EIF2AK4: variants seen among roughly 807,000 people sequenced by gnomAD.
EIF2AK4 encodes the protein eukaryotic translation initiation factor 2 alpha kinase 4.
EIF2AK4 carries 139 observed loss-of-function variants against 211.1 expected under a neutral mutation model. The observed-to-expected ratio is 0.66, with a 90% CI of 0.57 to 0.76. The LOEUF (loss-of-function observed/expected upper bound fraction) is 0.76. Ranked by LOEUF, EIF2AK4 falls within the 30% of genes least tolerant of loss-of-function variation. The pLI is 0.00. For synonymous variants in EIF2AK4, 710 were observed against 751.3 expected (o/e 0.94, Z 0.90); for missense variants, 1,664 against 2,043.8 (o/e 0.81, Z 3.58).
chr15:39,953,521 C>T (rs1306343575), intron 4 of EIF2AK4, among the ~76,000 whole-genome samples: 4 of 152,144 alleles, frequency 2.6e-5, no homozygotes, highest in Admixed American at 2.6e-4. Context: ...ACCGGGACCC[C>T]CATGGCAGAG....
chr15:39,949,072 C>T (rs1328091812), intron 3 of EIF2AK4, 44 bp from the exon 4 acceptor site: 1 of 1,598,766 alleles, frequency 6.3e-7, no homozygotes, highest in Non-Finnish European at 8.6e-7. Flanking sequence ...TTGGGCCTTC[C>T]CATTATTTGA....
Position 39,965,858 on chromosome 15 carries a change from T to C in EIF2AK4, c.1017+15T>C. The C allele has an allele frequency of 1.2e-6, 2 of 1,613,118 alleles. No homozygotes were observed. Among genetic ancestry groups the C allele is most frequent in the East Asian group, 2.2e-5 (1 of 44,882 alleles). On this transcript the variant is annotated intron_variant, in intron 8 of 38. Coordinates refer to ENST00000263791, the MANE Select transcript of EIF2AK4 (RefSeq NM_001013703.4). ...GCAAAAAGCAGGTAAGCATCCAAGG[T>C]GGCTGACTGAGCAAAAGGCCTAATC...
At chr15:39,958,378 G>A (rs1378177850) in intron 6 of EIF2AK4, among the ~76,000 whole-genome samples, 4 of 152,146 alleles carry the variant, frequency 2.6e-5, no homozygotes, top group African/African-American at 9.7e-5. Flanking sequence ...ACAAGATTAG[G>A]TTATCTAGTT....
At chr15:39,980,641 G>A (rs1211001094) in intron 13 of EIF2AK4, among the ~76,000 whole-genome samples, 5 of 152,178 alleles carry the variant, frequency 3.3e-5, no homozygotes, top group African/African-American at 9.7e-5. Flanking sequence ...AGTCAGTTGT[G>A]GCTGTGGGGA....
intron 9 of EIF2AK4, among the ~76,000 whole-genome samples, chr15:39,970,712 A>T (rs2034611876): frequency 6.6e-6 from 1 of 152,190 alleles, no homozygotes; most frequent in Non-Finnish European, 1.5e-5. Context: ...CTACAATGAG[A>T]CACCCTAAGT....
At position 40,001,177 on chromosome 15, in the gene EIF2AK4, C is replaced by A. The variant is rs192344001; in HGVS notation, c.3112C>A (p.Arg1038Ser). 1.1e-5 allele frequency: 17 copies of A among 1,613,852 alleles called. No homozygotes were observed. In the Admixed American group the frequency reaches 2.8e-4, roughly 27 times the overall value. Reference sequence around the variant, plus strand: ...CATGATGGCCCAGATCTTCTCGCAGCGCATCTCCCCTGCCATCGATTACAC... The same window carrying A: ...CATGATGGCCCAGATCTTCTCGCAGAGCATCTCCCCTGCCATCGATTACAC... ...RTMMAQIFSQ[R>S]ISPAIDYTYD... Residue 1038 changes from arginine (R) to serine (S), a missense_variant, in exon 21 of 39, where the codon CGC (arginine) becomes AGC (serine). Coordinates refer to ENST00000263791, the MANE Select transcript of EIF2AK4 (RefSeq NM_001013703.4).
At chr15:39,961,762 AT>A (rs2034475871) in intron 6 of EIF2AK4, 21 bp from the exon 7 acceptor site, 1 of 1,553,160 alleles carries the variant, frequency 6.4e-7, no homozygotes, top group South Asian at 1.1e-5. Flanking sequence ...GTTCAAATGT[AT>A]TGTTCAAATT....
In EIF2AK4 at chr15:40,035,305, A is replaced by G. The variant is rs1438457216; in HGVS notation, c.*221A>G. 9.7e-6 allele frequency: 3 copies of G among 307,966 alleles called. No homozygotes were observed. The highest frequency in any genetic ancestry group is 1.0e-4 in the South Asian group (1 of 9,634). 19.1% of individuals were successfully genotyped at this position (307,966 alleles called of 1,614,324 possible). A position where few individuals can be genotyped will look rare whatever the true frequency, so the allele number is the denominator to read the frequency against. ...AGCAACAAAGCAAGACCCCATCTCT[A>G]TAAAAACTAAAAAAATTAGTTGGGC... On this transcript the variant is annotated 3_prime_UTR_variant, in exon 39 of 39. Coordinates refer to ENST00000263791, the MANE Select transcript of EIF2AK4 (RefSeq NM_001013703.4).
intron 33 of EIF2AK4, 57 bp from the exon 34 acceptor site, chr15:40,029,349 T>C: frequency 1.0e-5 from 16 of 1,602,150 alleles, no homozygotes; most frequent in Non-Finnish European, 1.3e-5. Context: ...CTGTAAGTTA[T>C]GTGTTGCTTG....
chr15:39,976,318 G>A (rs146826848), intron 11 of EIF2AK4, 96 bp from the exon 12 acceptor site: 1 of 1,354,326 alleles, frequency 7.4e-7, no homozygotes, highest in East Asian at 2.5e-5. Context: ...GACTCATTTA[G>A]AACTTCACGC....
At chr15:39,946,348 T>C (rs1444438139) in intron 3 of EIF2AK4, among the ~76,000 whole-genome samples, 1 of 152,214 alleles carries the variant, frequency 6.6e-6, no homozygotes, top group African/African-American at 2.4e-5. Context: ...AAGACTTCAC[T>C]GGAAGAAGTA....
Position 39,997,084 on chromosome 15 carries a change from A to G in EIF2AK4, c.2868+19A>G. On this transcript the variant is annotated intron_variant, in intron 19 of 38. Coordinates refer to ENST00000263791, the MANE Select transcript of EIF2AK4 (RefSeq NM_001013703.4). ...CAGAGATGTATGTATCAGGTGTTTT[A>G]GTGCCTACATTTTCAGTAACCGGAA... 6.5e-7 allele frequency: 1 copy of G among 1,531,974 alleles called. No individual in the cohort carries two copies. The highest frequency in any genetic ancestry group is 9.0e-7 in the Non-Finnish European group (1 of 1,105,914). The allele number at this position is 1,531,974 out of a possible 1,614,324, so 94.9% of individuals were successfully genotyped here.
chr15:40,016,671 A>G lies in EIF2AK4; in HGVS notation c.3929A>G (p.Gln1310Arg). 1.2e-6 allele frequency: 2 copies of G among 1,613,948 alleles called. No individual in the cohort carries two copies. The highest frequency in any genetic ancestry group is 1.7e-6 in the Non-Finnish European group (2 of 1,179,940). The change falls in exon 28 of 39, where the codon CAG becomes CGG. Residue 1310 changes from glutamine to arginine, a missense_variant and splice_region_variant. By Grantham distance (43) the Gln-to-Arg change is conservative. Around this residue, in one of 7 missense-constraint regions of EIF2AK4, gnomAD observed 622 missense variants for 796.8 expected, o/e 0.78. Coordinates refer to ENST00000263791, the MANE Select transcript of EIF2AK4 (RefSeq NM_001013703.4). ...TTGAAGAAACTCGGCATCAAGTTAC[A>G]GGTTTGGCAACAGTTTGATACTGGC... ...GLLKKLGIKL[Q>R]VLINLGLVYK...
At chr15:40,019,047 GTTTC>G (rs765138379) in intron 29 of EIF2AK4, 42 bp from the exon 30 acceptor site, 4 of 1,411,448 alleles carry the variant, frequency 2.8e-6, no homozygotes, top group Non-Finnish European at 2.9e-6. Context: ...CGTAATCACA[GTTTC>G]TTTCCTATTT....
At chr15:39,939,403 A>G in intron 1 of EIF2AK4, 102 bp from the exon 2 acceptor site, 2 of 605,508 alleles carry the variant, frequency 3.3e-6, no homozygotes, top group Non-Finnish European at 5.2e-6. Flanking sequence ...AATTACAAAT[A>G]TTTTTAAAGT....
In EIF2AK4 at chr15:40,035,148, T is replaced by C; in HGVS notation, c.*64T>C. The C allele has an allele frequency of 5.8e-6, 7 of 1,202,732 alleles. No individual in the cohort carries two copies. The highest frequency in any genetic ancestry group is 8.0e-6 in the Non-Finnish European group (7 of 875,618). 74.5% of individuals were successfully genotyped at this position (1,202,732 alleles called of 1,614,324 possible). ...AGGCTTATACTGGAATAATGGAATG[T>C]TGTACATTCATCATAATTTAAAATT... On this transcript the variant is annotated 3_prime_UTR_variant, in exon 39 of 39. Coordinates refer to ENST00000263791, the MANE Select transcript of EIF2AK4 (RefSeq NM_001013703.4).
At chr15:39,938,639 A>C (rs1050382440) in intron 1 of EIF2AK4, among the ~76,000 whole-genome samples, 12 of 152,232 alleles carry the variant, frequency 7.9e-5, no homozygotes, top group Admixed American at 7.2e-4. Context: ...GCATAATAAA[A>C]GAGTGGCTTA....
chr15:40,000,932 A>G, intron 20 of EIF2AK4, 56 bp from the exon 21 acceptor site: 1 of 1,560,108 alleles, frequency 6.4e-7, no homozygotes, highest in South Asian at 1.1e-5. Flanking sequence ...TGTCCGGAGA[A>G]TAGCTGAGCA....
intron 27 of EIF2AK4, 52 bp from the exon 28 acceptor site, chr15:40,016,450 G>A: frequency 6.2e-7 from 1 of 1,609,360 alleles, no homozygotes; most frequent in South Asian, 1.1e-5. Context: ...GGTGCAAAGG[G>A]AGTCTTCCCC....
Sources: gnomAD v4.1 joint callset for allele counts (sites outside exome capture counted in the v4.1 genomes callset) on GRCh38, gnomAD v4.1.1 for gene constraint, gnomAD v4.1.1 regional missense constraint, MANE v1.5 for transcripts, NCBI Gene and HGNC (gene_info 2026-07-23, HGNC 2026-07-21) for gene names.